Variants in MYO16 observed in about 807,000 individuals in gnomAD.
MYO16 encodes unconventional myosin-XVI.
In MYO16, 94 loss-of-function variants were observed where a neutral mutation model predicts 205.3. The observed-to-expected ratio is 0.46, with a 90% CI of 0.39 to 0.54. The LOEUF (loss-of-function observed/expected upper bound fraction) is 0.54, where lower values mean the gene tolerates loss of function less well. MYO16 is among the 20% of genes least tolerant of loss of function. The pLI, the probability that MYO16 is intolerant of heterozygous loss-of-function variation, is 0.00. For missense variants in MYO16, 2,315 were observed against 2,387.5 expected (o/e 0.97, Z 0.63); for synonymous variants, 988 against 954.0 (o/e 1.04, Z -0.66).
intron 1 of MYO16, among the ~76,000 whole-genome samples, chr13:108,663,672 A>T (rs895127634): frequency 6.6e-6 from 1 of 152,172 alleles, no homozygotes; most frequent in African/African-American, 2.4e-5. Context: ...ATGATCTGTC[A>T]CTGTGGATTT....
intron 22 of MYO16, among the ~76,000 whole-genome samples, chr13:109,019,146 A>G (rs1483058708): frequency 6.6e-6 from 1 of 151,618 alleles, no homozygotes; most frequent in Admixed American, 6.6e-5. Flanking sequence ...TTTCTGTATT[A>G]TTATTATTTT....
intron 21 of MYO16, among the ~76,000 whole-genome samples, chr13:109,001,889 G>C (rs1380248963): frequency 6.6e-6 from 1 of 151,388 alleles, no homozygotes; most frequent in African/African-American, 2.4e-5. Flanking sequence ...TTTCAGCAAT[G>C]CTCAGTGTCT....
At chr13:108,875,344 A>T (rs1306177581) in intron 12 of MYO16, among the ~76,000 whole-genome samples, 1 of 152,192 alleles carries the variant, frequency 6.6e-6, no homozygotes, top group Non-Finnish European at 1.5e-5. Flanking sequence ...ACCAATAAAA[A>T]AGTTAGATGG....
intron 12 of MYO16, among the ~76,000 whole-genome samples, chr13:108,881,372 CA>C (rs1257840911): frequency 1.3e-5 from 2 of 152,004 alleles, no homozygotes; most frequent in Non-Finnish European, 2.9e-5. Flanking sequence ...TTCTAAAAAT[CA>C]GAGCGCTTCT....
intron 19 of MYO16, 95 bp from the exon 20 acceptor site, chr13:108,964,666 A>G (rs574483996): frequency 1.6e-6 from 2 of 1,256,964 alleles, no homozygotes; most frequent in African/African-American, 1.5e-5. Flanking sequence ...TGTCTTGTGG[A>G]TGTGTGGGGA....
At chr13:108,792,804 G>T (rs1019723969) in intron 5 of MYO16, among the ~76,000 whole-genome samples, 2 of 152,050 alleles carry the variant, frequency 1.3e-5, no homozygotes, top group Admixed American at 1.3e-4. Context: ...GACCCACAGT[G>T]CCCAGCCTAA....
At chr13:108,749,967 G>A (rs1156355955) in intron 4 of MYO16, among the ~76,000 whole-genome samples, 1 of 152,202 alleles carries the variant, frequency 6.6e-6, no homozygotes, top group Admixed American at 6.5e-5. Flanking sequence ...TGGCTAACAA[G>A]CCATGAGCAG....
chr13:109,033,695 G>A (rs1156789878), intron 23 of MYO16, among the ~76,000 whole-genome samples: 1 of 152,184 alleles, frequency 6.6e-6, no homozygotes, highest in Non-Finnish European at 1.5e-5. Flanking sequence ...AAGTGATCTA[G>A]AGGTTATCCA....
chr13:108,551,801 C>G, the MYO16 span, among the ~76,000 whole-genome samples: 1 of 152,118 alleles, frequency 6.6e-6, no homozygotes, highest in Non-Finnish European at 1.5e-5. Flanking sequence ...ACTAAAGTTC[C>G]TGTGGTTTTC....
At chr13:108,944,675 A>G (rs1474195680) in intron 16 of MYO16, among the ~76,000 whole-genome samples, 1 of 152,234 alleles carries the variant, frequency 6.6e-6, no homozygotes, top group South Asian at 2.1e-4. Flanking sequence ...AATAATGTCT[A>G]AAGAGCCTAC....
intron 7 of MYO16, among the ~76,000 whole-genome samples, chr13:108,809,083 T>G (rs1887205953): frequency 6.6e-6 from 1 of 152,226 alleles, no homozygotes; most frequent in South Asian, 2.1e-4. Context: ...ACATGACAAC[T>G]ATGCTGCAGA....
chr13:108,971,273 T>C (rs1460762851), intron 20 of MYO16, among the ~76,000 whole-genome samples: 1 of 151,696 alleles, frequency 6.6e-6, no homozygotes, highest in African/African-American at 2.4e-5. Context: ...TGGAGTGTTC[T>C]CCAAATGCCT....
chr13:108,671,059 A>G (rs1212183577), intron 2 of MYO16, among the ~76,000 whole-genome samples: 1 of 152,234 alleles, frequency 6.6e-6, no homozygotes, highest in Admixed American at 6.5e-5. Context: ...ATTCAAAAGA[A>G]GCAGAGAGTA....
At chr13:108,914,176 A>G (rs1347175359) in intron 16 of MYO16, among the ~76,000 whole-genome samples, 1 of 148,980 alleles carries the variant, frequency 6.7e-6, no homozygotes, top group Admixed American at 6.7e-5. Context: ...TACTATTATT[A>G]AGTAGATAAT....
intron 4 of MYO16, among the ~76,000 whole-genome samples, chr13:108,759,469 T>C (rs1045018664): frequency 2.6e-5 from 4 of 152,154 alleles, no homozygotes; most frequent in African/African-American, 9.7e-5. Flanking sequence ...CCTATCTTCT[T>C]TGAGATAGGA....
intron 16 of MYO16, among the ~76,000 whole-genome samples, chr13:108,957,395 A>C (rs141124897): frequency 0.023 from 3,473 of 151,228 alleles, 172 homozygotes; most frequent in African/African-American, 0.081. Context: ...AAAAAAAAAA[A>C]AAAAAACAAA....
At chr13:108,770,058 G>A (rs1002841544) in intron 4 of MYO16, among the ~76,000 whole-genome samples, 25 of 152,118 alleles carry the variant, frequency 1.6e-4, no homozygotes, top group African/African-American at 4.1e-4. Flanking sequence ...GGAATGTGGC[G>A]TAGTAATTTA....
intron 33 of MYO16, chr13:109,166,833 A>T (rs1258573064): frequency 6.6e-6 from 1 of 152,208 alleles, no homozygotes; most frequent in African/African-American, 2.4e-5. Context: ...TATTACTCCC[A>T]AAACTTGGAG....
At chr13:109,033,078 C>T (rs1483801897) in intron 23 of MYO16, among the ~76,000 whole-genome samples, 13 of 152,116 alleles carry the variant, frequency 8.5e-5, no homozygotes, top group Admixed American at 8.5e-4. Context: ...CACAATGCCC[C>T]TAAAGGCCCA....
Sources: gnomAD v4.1 joint callset for allele counts (sites outside exome capture counted in the v4.1 genomes callset) on GRCh38, gnomAD v4.1.1 for gene constraint, MANE v1.5 for transcripts, NCBI Gene and HGNC (gene_info 2026-07-23, HGNC 2026-07-21) for gene names.